Variants in FUT9 observed in about 807,000 individuals in gnomAD.
The protein encoded by FUT9 is fucosyltransferase 9, also known as 4-galactosyl-N-acetylglucosaminide 3-alpha-L-fucosyltransferase 9.
A neutral mutation model predicts 29.7 loss-of-function variants in FUT9; 15 were observed. The observed-to-expected ratio is 0.51, with a 90% CI of 0.34 to 0.78. The LOEUF is 0.78. FUT9 is among the 30% of genes least tolerant of loss of function. The probability of loss-of-function intolerance (pLI) is 0.01; values close to 1 mark genes in which losing one functional copy is unlikely to be tolerated. For missense variants in FUT9, 319 were observed against 425.4 expected, an observed-to-expected ratio of 0.75 and a Z score of 2.20; for synonymous variants, 169 against 153.7, an observed-to-expected ratio of 1.10 and a Z score of -0.74.
At chr6:96,092,710 C>T (rs982640272) in intron 1 of FUT9, among the ~76,000 whole-genome samples, 20 of 152,100 alleles carry the variant, frequency 1.3e-4, no homozygotes, top group Admixed American at 1.3e-3. Context: ...GCTCTCATCC[C>T]ATATTCAGGA....
intron 2 of FUT9, among the ~76,000 whole-genome samples, chr6:96,195,574 GT>G (rs796456486): frequency 1.3e-5 from 2 of 152,254 alleles, no homozygotes; most frequent in African/African-American, 4.8e-5. Flanking sequence ...CATTAGAGAG[GT>G]TCAATAGAAT....
intron 2 of FUT9, among the ~76,000 whole-genome samples, chr6:96,135,597 A>G (rs763883686): frequency 9.2e-5 from 14 of 151,890 alleles, no homozygotes; most frequent in Non-Finnish European, 1.6e-4. Context: ...GCATAAAGAC[A>G]TGCACAGCAA....
chr6:96,212,547 C>T lies in FUT9; in HGVS notation c.*8312C>T, dbSNP rs1773958274. 5.0e-6 allele frequency: 2 copies of T among 402,168 alleles called. No homozygotes were observed. The highest frequency in any genetic ancestry group is 8.9e-5 in the Admixed American group (2 of 22,432). The allele number at this position is 402,168 out of a possible 1,614,324, so 24.9% of individuals were successfully genotyped here. A position where few individuals can be genotyped will look rare whatever the true frequency, so the allele number is the denominator to read the frequency against. ...TTTACTTAGAAGGGAAAAAAAAGAA[C>T]TTTCAGCTTAATCGGGGTTAAGGGA... is the stretch of plus-strand genomic sequence containing the variant. On this transcript the variant is annotated 3_prime_UTR_variant, in exon 3 of 3. Coordinates refer to ENST00000302103, the MANE Select transcript of FUT9 (RefSeq NM_006581.4).
At chr6:96,055,068 A>G (rs1382585007) in intron 1 of FUT9, among the ~76,000 whole-genome samples, 1 of 152,194 alleles carries the variant, frequency 6.6e-6, no homozygotes, top group East Asian at 1.9e-4. Context: ...CAGGAAAAAT[A>G]CGAAGATATT....
At chr6:96,029,399 G>C (rs751578850) in intron 1 of FUT9, among the ~76,000 whole-genome samples, 1 of 151,450 alleles carries the variant, frequency 6.6e-6, no homozygotes, top group African/African-American at 2.4e-5. Context: ...TGGTAATACA[G>C]GTGCAGAGTA....
intron 2 of FUT9, among the ~76,000 whole-genome samples, chr6:96,192,721 C>T (rs1773535301): frequency 6.6e-6 from 1 of 151,784 alleles, no homozygotes; most frequent in African/African-American, 2.4e-5. Context: ...TCATATGGAA[C>T]CAAAAAAGAG....
intron 1 of FUT9, among the ~76,000 whole-genome samples, chr6:96,078,183 C>T (rs1414046601): frequency 6.6e-6 from 1 of 151,770 alleles, no homozygotes; most frequent in Non-Finnish European, 1.5e-5. Flanking sequence ...TTCTACATTC[C>T]GGGAGATTTC....
chr6:96,127,547 T>C (rs1772156380), intron 2 of FUT9, among the ~76,000 whole-genome samples: 1 of 152,196 alleles, frequency 6.6e-6, no homozygotes, highest in African/African-American at 2.4e-5. Flanking sequence ...TTTGTTTAGT[T>C]ATATATCCAG....
chr6:96,045,690 G>A lies in FUT9; in HGVS notation c.-98+29478G>A, dbSNP rs190693193. ...ACTGTGTAGTTCCTGTAGAGAAAAG[G>A]GTGCTTGGATGGGAAAAGCTGGGGC... is the stretch of plus-strand genomic sequence containing the variant. On this transcript the variant is annotated intron_variant, in intron 1 of 2. Coordinates refer to ENST00000302103, the MANE Select transcript of FUT9 (RefSeq NM_006581.4). Among the ~76,000 whole-genome samples, 1,289 of 152,286 alleles carry A rather than the reference G, an allele frequency of 8.5e-3. 30 individuals are homozygous for A. Among genetic ancestry groups the A allele is most frequent in the African/African-American group, 0.03 (1,230 of 41,558 alleles).
In FUT9 at chr6:96,087,954, GT is replaced by G. The variant is rs368502448; in HGVS notation, c.-97-26084del. 2.6e-5 allele frequency among the ~76,000 whole-genome samples: 4 copies of G among 152,236 alleles called. No homozygotes were observed. In the East Asian group the frequency reaches 7.7e-4, roughly 29 times the overall value. On this transcript the variant is annotated intron_variant, in intron 1 of 2. Coordinates refer to ENST00000302103, the MANE Select transcript of FUT9 (RefSeq NM_006581.4). ...TTAGCTCTTGTATGTGTCTGAGAAA[GT>G]CTTTATTTTTCAAAGACATTTTCAC...
At position 96,097,055 on chromosome 6, in the gene FUT9, G is replaced by A. The variant is rs555443523; in HGVS notation, c.-97-16984G>A. Among the ~76,000 whole-genome samples the A allele has an allele frequency of 2.4e-4, 36 of 152,068 alleles. 1 individual carries two copies. Among genetic ancestry groups the A allele is most frequent in the Non-Finnish European group, 3.8e-4 (26 of 68,010 alleles). ...CTCACAGAGACAAATCATTTTCCAC[G>A]ACTATCCAAAATTTACCCAAGGGAT... On this transcript the variant is annotated intron_variant, in intron 1 of 2. Transcript: ENST00000302103.
chr6:96,141,890 C>A (rs1772469997), intron 2 of FUT9, among the ~76,000 whole-genome samples: 1 of 152,180 alleles, frequency 6.6e-6, no homozygotes, highest in Admixed American at 6.5e-5. Flanking sequence ...TTTAAAATTT[C>A]TCTCTTCTTG....
chr6:96,091,404 A>G (rs1771409378), intron 1 of FUT9, among the ~76,000 whole-genome samples: 1 of 152,088 alleles, frequency 6.6e-6, no homozygotes, highest in South Asian at 2.1e-4. Context: ...AAAGAAGACT[A>G]ATGAGTCAAT....
At chr6:96,083,232 G>T (rs1771266582) in intron 1 of FUT9, among the ~76,000 whole-genome samples, 1 of 152,042 alleles carries the variant, frequency 6.6e-6, no homozygotes, top group African/African-American at 2.4e-5. Flanking sequence ...TTGAATGAAT[G>T]AATGAAGAGG....
At chr6:96,190,890 G>T (rs182919284) in intron 2 of FUT9, among the ~76,000 whole-genome samples, 1 of 152,126 alleles carries the variant, frequency 6.6e-6, no homozygotes, top group South Asian at 2.1e-4. Context: ...ATCATCTGAA[G>T]CCTTCTTCTC....
chr6:96,031,803 T>C (rs1305941523), intron 1 of FUT9, among the ~76,000 whole-genome samples: 3 of 151,602 alleles, frequency 2.0e-5, no homozygotes, highest in Non-Finnish European at 4.4e-5. Context: ...TTTTTCCTAG[T>C]AATTTATTTC....
Position 96,072,284 on chromosome 6 carries a change from G to A in FUT9, c.-97-41755G>A, listed in dbSNP as rs73552514. Among the ~76,000 whole-genome samples the A allele has an allele frequency of 6.3e-3, 953 of 152,030 alleles. 10 individuals carry two copies. The highest frequency in any genetic ancestry group is 0.022 in the African/African-American group (912 of 41,468). On this transcript the variant is annotated intron_variant, in intron 1 of 2. Transcript: ENST00000302103. ...CTCTCCATATCTCTTATCTTATTTC[G>A]TACCACCTTATTTCTAAGCAGTCAG... is the stretch of plus-strand genomic sequence containing the variant.
chr6:96,203,126 T>A (rs569602845), intron 2 of FUT9, 22 bp from the exon 3 acceptor site: 2 of 1,549,384 alleles, frequency 1.3e-6, no homozygotes, highest in South Asian at 1.2e-5. Context: ...TACCTCCCCT[T>A]CTGTCTTTCT....
intron 1 of FUT9, among the ~76,000 whole-genome samples, chr6:96,032,793 C>G (rs1303192857): frequency 6.6e-6 from 1 of 151,568 alleles, no homozygotes; most frequent in Admixed American, 6.6e-5. Flanking sequence ...GTTTCAGGCT[C>G]CTGATTTAAG....
Sources: gnomAD v4.1 joint callset for allele counts (sites outside exome capture counted in the v4.1 genomes callset) on GRCh38, gnomAD v4.1.1 for gene constraint, MANE v1.5 for transcripts, NCBI Gene and HGNC (gene_info 2026-07-23, HGNC 2026-07-21) for gene names.